SYT2: variants seen among roughly 807,000 people sequenced by gnomAD.
The protein encoded by SYT2 is synaptotagmin 2.
Under a neutral mutation model 39.9 loss-of-function variants are expected in SYT2, and 15 were observed. That is an observed-to-expected ratio of 0.38 (90% CI 0.25 to 0.58). SYT2 has a LOEUF of 0.58. Ranked by LOEUF, SYT2 falls within the 20% of genes least tolerant of loss-of-function variation. The probability of loss-of-function intolerance (pLI) is 0.70; values close to 1 mark genes in which losing one functional copy is unlikely to be tolerated. For missense variants in SYT2, 389 were observed against 530.3 expected (o/e 0.73, Z 2.62); for synonymous variants, 181 against 204.5 (o/e 0.89, Z 0.98).
intron 1 of SYT2, among the ~76,000 whole-genome samples, chr1:202,613,097 T>TC (rs1372155809): frequency 8.1e-6 from 1 of 123,056 alleles, no homozygotes. Context: ...TTTTTTTTTT[T>TC]CCAGACAGAG....
rs148803915 is a variant in SYT2, at chr1:202,652,915, G to A, written c.-17-47126C>T. Among the ~76,000 whole-genome samples the A allele has an allele frequency of 9.7e-4, 147 of 152,226 alleles. 1 individual carries two copies. In the East Asian group the frequency reaches 0.018, roughly 19 times the overall value. On this transcript the variant is annotated intron_variant, in intron 1 of 8. Transcript: ENST00000367268. ...ACCCATTTAAAGCACAGTGCCTAGA[G>A]CCTGAGTTGGCCTTTGATGCATATC...
intron 1 of SYT2, among the ~76,000 whole-genome samples, chr1:202,704,134 G>A (rs1045631611): frequency 6.6e-6 from 1 of 152,188 alleles, no homozygotes; most frequent in Non-Finnish European, 1.5e-5. Flanking sequence ...GGGATGGGAG[G>A]AAGTGAAGCA....
chr1:202,705,737 A>G lies in SYT2; in HGVS notation c.-18+4521T>C, dbSNP rs893862862. Among the ~76,000 whole-genome samples, 4 of 117,474 alleles carry G rather than the reference A, an allele frequency of 3.4e-5. No individual in the cohort carries two copies. The Admixed American group carries it at 3.6e-4, about 11-fold the overall frequency. The allele number at this position is 117,474 out of a possible 152,430, so 77.1% of individuals were successfully genotyped here. The stretch of plus-strand genomic sequence containing the variant: ...TTTGGGAGTCCTTTTTTTTTTTTTG[A>G]GACCGGATCTCACTGTTTTCCAGGC... On this transcript the variant is annotated intron_variant, in intron 1 of 8. Transcript: ENST00000367268.
At chr1:202,681,588 A>T (rs538335373) in intron 1 of SYT2, among the ~76,000 whole-genome samples, 2 of 152,350 alleles carry the variant, frequency 1.3e-5, no homozygotes, top group East Asian at 3.9e-4. Context: ...CAAAGGCATG[A>T]GCTTGGCCCA....
rs1690163957 is a variant in SYT2 at position 202,592,589 on chromosome 1, C to T, written c.*4168G>A. The T allele has an allele frequency of 6.6e-6, 1 of 152,186 alleles. No homozygotes were observed. The highest frequency in any genetic ancestry group is 1.5e-5 in the Non-Finnish European group (1 of 68,034). 9.4% of individuals were successfully genotyped at this position (152,186 alleles called of 1,614,324 possible). A position where few individuals can be genotyped will look rare whatever the true frequency, so the allele number is the denominator to read the frequency against. ...TGTTCATATGTTTCTAGGTAATTAT[C>T]TTCTTTTATATATAATTAAATATAC... On this transcript the variant is annotated 3_prime_UTR_variant, in exon 9 of 9. Coordinates refer to ENST00000367268, the MANE Select transcript of SYT2 (RefSeq NM_177402.5).
At chr1:202,683,129 A>G (rs1317416312) in intron 1 of SYT2, among the ~76,000 whole-genome samples, 1 of 152,212 alleles carries the variant, frequency 6.6e-6, no homozygotes, top group Non-Finnish European at 1.5e-5. Context: ...CGCCATCACT[A>G]CTGGTGGGAG....
chr1:202,618,087 A>T (rs1243970962), intron 1 of SYT2, among the ~76,000 whole-genome samples: 2 of 152,060 alleles, frequency 1.3e-5, no homozygotes, highest in African/African-American at 4.8e-5. Context: ...AGTTTTGTAG[A>T]GACGGGGTTT....
intron 1 of SYT2, among the ~76,000 whole-genome samples, chr1:202,635,611 C>T (rs1691719137): frequency 6.6e-6 from 1 of 152,172 alleles, no homozygotes; most frequent in Non-Finnish European, 1.5e-5. Context: ...CTGAGGACAG[C>T]TCCAGAAGCA....
intron 1 of SYT2, among the ~76,000 whole-genome samples, chr1:202,644,789 C>T (rs1106178): frequency 0.33 from 50,041 of 151,986 alleles, 8,839 homozygotes; most frequent in African/African-American, 0.45. Context: ...TCTGGGGAAC[C>T]GGGAAATTCC....
intron 1 of SYT2, among the ~76,000 whole-genome samples, chr1:202,704,667 C>CACATATGCACACACAGGTACACAT (rs1654204529): frequency 1.3e-5 from 2 of 152,190 alleles, no homozygotes; most frequent in African/African-American, 2.4e-5. Context: ...CCTGAATACA[C>CACATATGCACACACAGGTACACAT]ACATATGCAC....
chr1:202,619,991 C>T (rs962624862), intron 1 of SYT2, among the ~76,000 whole-genome samples: 4 of 152,166 alleles, frequency 2.6e-5, no homozygotes, highest in Admixed American at 6.5e-5. Context: ...AGTAAAGATC[C>T]GGGTCTAAAT....
At chr1:202,689,384 G>T (rs1261047709) in intron 1 of SYT2, among the ~76,000 whole-genome samples, 1 of 152,172 alleles carries the variant, frequency 6.6e-6, no homozygotes, top group Non-Finnish European at 1.5e-5. Context: ...ATGGATGCTG[G>T]TGGCTGTAAT....
rs373880084 is a variant in SYT2, at chr1:202,652,641, C to T, written c.-17-46852G>A. Among the ~76,000 whole-genome samples the T allele has an allele frequency of 1.2e-4, 19 of 152,254 alleles. No homozygotes were observed. The East Asian group carries it at 2.9e-3, about 23-fold the overall frequency. ...ACTTGAGGAGCTTAAAGGAAAGGTG[C>T]CCAGCCCCATCTCCCAGAGACTCCC... On this transcript the variant is annotated intron_variant, in intron 1 of 8. Coordinates refer to ENST00000367268, the MANE Select transcript of SYT2 (RefSeq NM_177402.5).
chr1:202,609,088 T>A (rs1690803718), intron 1 of SYT2, among the ~76,000 whole-genome samples: 1 of 139,656 alleles, frequency 7.2e-6, no homozygotes, highest in East Asian at 2.2e-4. Context: ...CCATGTGTTC[T>A]CATTGTTCAA....
chr1:202,646,950 A>C (rs1291958250), intron 1 of SYT2, among the ~76,000 whole-genome samples: 2 of 152,104 alleles, frequency 1.3e-5, no homozygotes, highest in African/African-American at 4.8e-5. Flanking sequence ...GCTCATCCCC[A>C]CTGAGGCTTT....
chr1:202,603,237 T>C, intron 3 of SYT2, 119 bp from the exon 4 acceptor site: 1 of 1,390,758 alleles, frequency 7.2e-7, no homozygotes, highest in Non-Finnish European at 9.7e-7. Context: ...GAGCTGTGTG[T>C]GGTGGGAACA....
intron 1 of SYT2, chr1:202,630,378 C>A: frequency 2.0e-6 from 2 of 985,314 alleles, no homozygotes; most frequent in Non-Finnish European, 2.4e-6. Context: ...CATCGCCAAC[C>A]GGCTTTCCCA....
intron 1 of SYT2, among the ~76,000 whole-genome samples, chr1:202,661,494 A>C (rs538484760): frequency 3.9e-5 from 6 of 152,314 alleles, no homozygotes; most frequent in African/African-American, 1.4e-4. Flanking sequence ...ATTACATGTG[A>C]GGACGGGCTA....
At chr1:202,684,437 G>A (rs778217928) in intron 1 of SYT2, among the ~76,000 whole-genome samples, 1 of 151,520 alleles carries the variant, frequency 6.6e-6, no homozygotes, top group Non-Finnish European at 1.5e-5. Flanking sequence ...TGTCCTCCAG[G>A]TTCATCCATG....
Sources: gnomAD v4.1 joint callset for allele counts (sites outside exome capture counted in the v4.1 genomes callset) on GRCh38, gnomAD v4.1.1 for gene constraint, MANE v1.5 for transcripts, NCBI Gene and HGNC (gene_info 2026-07-23, HGNC 2026-07-21) for gene names.